The following SLF1 variants were observed in gnomAD, a reference collection of about 807,000 sequenced individuals.
SLF1 encodes the protein SMC5-SMC6 complex localization factor protein 1.
SLF1 carries 105 observed loss-of-function variants against 123.0 expected under a neutral mutation model. The observed-to-expected ratio is 0.85, with a 90% CI of 0.73 to 1.00. The LOEUF (loss-of-function observed/expected upper bound fraction) is 1.00. Ranked by LOEUF, SLF1 falls within the 50% of genes least tolerant of loss-of-function variation. The pLI, the probability that SLF1 is intolerant of heterozygous loss-of-function variation, is 0.00. For missense variants in SLF1, 1,239 were observed against 1,223.0 expected (o/e 1.01, Z -0.20); for synonymous variants, 434 against 406.6 (o/e 1.07, Z -0.81).
intron 5 of SLF1, among the ~76,000 whole-genome samples, chr5:94,644,442 A>C (rs1746784992): frequency 6.6e-6 from 1 of 152,188 alleles, no homozygotes; most frequent in South Asian, 2.1e-4. Flanking sequence ...AATACGGCTT[A>C]CAAGTTCCCA....
In SLF1 at chr5:94,630,751, G is replaced by A. The variant is rs764414118; in HGVS notation, c.431+8G>A. The stretch of plus-strand genomic sequence containing the variant: ...AAGTGATTCTCTTATAAGGTAGGAT[G>A]TGATTACATAAAAGCTAAAGCAATT... On this transcript the variant is annotated splice_region_variant and intron_variant, in intron 4 of 20. Coordinates refer to ENST00000265140, the MANE Select transcript of SLF1 (RefSeq NM_032290.4). 17 of 1,540,702 alleles carry A rather than the reference G, an allele frequency of 1.1e-5. No individual in the cohort carries two copies. Among genetic ancestry groups the A allele is most frequent in the Admixed American group, 4.0e-5 (2 of 49,924 alleles).
Position 94,649,463 on chromosome 5 carries a change from C to A in SLF1, c.604C>A (p.Gln202Lys). Residue 202 changes from glutamine (Q) to lysine (K), a missense_variant, in exon 6 of 21, where the codon CAG becomes AAG. Physicochemically the swap from Gln to Lys is moderately conservative, Grantham distance 53. Coordinates refer to ENST00000265140, the MANE Select transcript of SLF1 (RefSeq NM_032290.4). ...TTTTACATACATACAGAAAGAAATT[C>A]AGAATGATGAAGATTCCCAAACCAA... ...LGDFLLEKEIQNDEDSQTNSV... is the reference protein window; with the variant it reads ...LGDFLLEKEIKNDEDSQTNSV... 1 of 1,492,188 alleles carries A rather than the reference C, an allele frequency of 6.7e-7. No individual in the cohort carries two copies. The highest frequency in any genetic ancestry group is 1.3e-5 in the South Asian group (1 of 76,418). 92.4% of individuals were successfully genotyped at this position (1,492,188 alleles called of 1,614,324 possible).
At chr5:94,691,737 T>A in intron 19 of SLF1, 81 bp downstream of exon 19, 1 of 1,099,492 alleles carries the variant, frequency 9.1e-7, no homozygotes, top group Non-Finnish European at 1.3e-6. Flanking sequence ...TTAAGAAAAA[T>A]TATTTAAGTA....
chr5:94,672,096 G>A (rs903468721), intron 14 of SLF1, among the ~76,000 whole-genome samples: 1 of 151,992 alleles, frequency 6.6e-6, no homozygotes, highest in Non-Finnish European at 1.5e-5. Context: ...CTTCTGAATC[G>A]ACTTTGTTGA....
intron 12 of SLF1, among the ~76,000 whole-genome samples, chr5:94,669,716 C>A (rs1750222957): frequency 6.6e-6 from 1 of 151,418 alleles, no homozygotes; most frequent in Non-Finnish European, 1.5e-5. Flanking sequence ...AAAAAGTAGC[C>A]CTAAATAATC....
chr5:94,665,584 A>G (rs1009332508), intron 11 of SLF1, among the ~76,000 whole-genome samples: 8 of 152,124 alleles, frequency 5.3e-5, no homozygotes, highest in Non-Finnish European at 2.9e-5. Context: ...TCCCATCTCT[A>G]CTAAAAATAC....
chr5:94,623,272 A>G (rs1791954437), intron 1 of SLF1, among the ~76,000 whole-genome samples: 1 of 152,134 alleles, frequency 6.6e-6, no homozygotes, highest in African/African-American at 2.4e-5. Flanking sequence ...GTTGCTTGCT[A>G]TGCATAAAGG....
At chr5:94,679,474 C>A (rs1486383740) in intron 15 of SLF1, among the ~76,000 whole-genome samples, 2 of 151,994 alleles carry the variant, frequency 1.3e-5, no homozygotes, top group Admixed American at 1.3e-4. Context: ...TGCTAGTAGT[C>A]CCAGCTACTC....
intron 16 of SLF1, among the ~76,000 whole-genome samples, chr5:94,688,025 T>G (rs1338043517): frequency 1.6e-5 from 2 of 126,480 alleles, no homozygotes; most frequent in Non-Finnish European, 3.4e-5. Flanking sequence ...TTAATATCTA[T>G]CTTTAGATAT....
intron 1 of SLF1, among the ~76,000 whole-genome samples, chr5:94,625,148 G>A (rs1792117640): frequency 6.7e-6 from 1 of 149,742 alleles, no homozygotes. Flanking sequence ...AGCTGAGATT[G>A]TGCCACTGTA....
chr5:94,695,246 G>GGTAC lies in SLF1; in HGVS notation c.3112_3115dup (p.His1039ArgfsTer4). 6.2e-7 allele frequency: 1 copy of GGTAC among 1,611,988 alleles called. No homozygotes were observed. On this transcript the variant is annotated frameshift_variant, in exon 21 of 21. Coordinates refer to ENST00000265140, the MANE Select transcript of SLF1 (RefSeq NM_032290.4). LOFTEE classifies it high-confidence loss of function. ...CTGAGAATTTGAAAGTGTGTCCTGGGGTACACACTGAGGCCTTGATGATAA... is the reference window on the plus strand; with the variant it reads ...CTGAGAATTTGAAAGTGTGTCCTGGGGTACGTACACACTGAGGCCTTGATGATAA...
chr5:94,691,932 C>T (rs1205925193), intron 19 of SLF1, 142 bp from the exon 20 acceptor site: 6 of 735,554 alleles, frequency 8.2e-6, no homozygotes, highest in Non-Finnish European at 1.3e-5. Flanking sequence ...TATGATTACA[C>T]CCTAGACATT....
intron 1 of SLF1, among the ~76,000 whole-genome samples, chr5:94,627,624 A>C (rs1314646702): frequency 7.1e-6 from 1 of 141,604 alleles, no homozygotes; most frequent in African/African-American, 2.6e-5. Flanking sequence ...ATATATAGCA[A>C]AGTTAAGAAA....
At position 94,686,450 on chromosome 5, in the gene SLF1, G is replaced by A. The variant is rs1232272706; in HGVS notation, c.1976-123G>A. The A allele has an allele frequency of 6.8e-6, 7 of 1,028,510 alleles. No homozygotes were observed. The Admixed American group carries it at 1.7e-4, about 24-fold the overall frequency. The allele number at this position is 1,028,510 out of a possible 1,614,324, so 63.7% of individuals were successfully genotyped here. ...TATTTTTTGTGGATTAAAATCATGT[G>A]GATGAATCTTATAGGTGTAAGAGCT... is the stretch of plus-strand genomic sequence containing the variant. On this transcript the variant is annotated intron_variant, in intron 15 of 20. Coordinates refer to ENST00000265140, the MANE Select transcript of SLF1 (RefSeq NM_032290.4).
chr5:94,691,739 AT>A, intron 19 of SLF1, 83 bp downstream of exon 19: 1 of 1,037,946 alleles, frequency 9.6e-7, no homozygotes, highest in Non-Finnish European at 1.3e-6. Flanking sequence ...AAGAAAAATT[AT>A]TTAAGTAAAT....
chr5:94,618,386 C>T (rs926765789), upstream of SLF1: 2 of 152,822 alleles, frequency 1.3e-5, no homozygotes, highest in Admixed American at 6.5e-5. Flanking sequence ...TTGATGGGGA[C>T]TCCTTCTGGT....
chr5:94,685,849 A>T (rs1304708395), intron 15 of SLF1, among the ~76,000 whole-genome samples: 1 of 151,894 alleles, frequency 6.6e-6, no homozygotes, highest in Non-Finnish European at 1.5e-5. Flanking sequence ...AAAAAAAAAA[A>T]TTATCCACCA....
chr5:94,629,983 G>GA lies in SLF1; in HGVS notation c.191-510dup, dbSNP rs376304516. On this transcript the variant is annotated intron_variant, in intron 3 of 20. Coordinates refer to ENST00000265140, the MANE Select transcript of SLF1 (RefSeq NM_032290.4). ...AACGTAGCGAGATCTCATCTCTTAAGAAAAAAAAAAGAGTTGTTATAAAAT... is the reference window on the plus strand; with the variant it reads ...AACGTAGCGAGATCTCATCTCTTAAGAAAAAAAAAAAGAGTTGTTATAAAAT... Among the ~76,000 whole-genome samples, 555 of 145,208 alleles carry GA rather than the reference G, an allele frequency of 3.8e-3. 1 individual carries two copies. Among genetic ancestry groups the GA allele is most frequent in the Non-Finnish European group, 6.3e-3 (412 of 65,896 alleles).
At chr5:94,651,596 CAA>C (rs1401506813) in intron 6 of SLF1, 104 bp from the exon 7 acceptor site, 2 of 905,370 alleles carry the variant, frequency 2.2e-6, no homozygotes, top group African/African-American at 3.5e-5. Context: ...GTATATTTTA[CAA>C]AATCTATGTT....
Sources: allele counts gnomAD v4.1 joint callset (sites outside exome capture counted in the v4.1 genomes callset), GRCh38; gene constraint gnomAD v4.1.1; transcripts MANE v1.5; gene names NCBI Gene and HGNC (gene_info 2026-07-23, HGNC 2026-07-21).